NRXN2: variants seen among roughly 807,000 people sequenced by gnomAD.
NRXN2 encodes the protein neurexin 2.
In NRXN2, 29 loss-of-function variants were observed where a neutral mutation model predicts 128.8. That is an observed-to-expected ratio of 0.23 (90% CI 0.17 to 0.31). The LOEUF (loss-of-function observed/expected upper bound fraction) is 0.31, where lower values mean the gene tolerates loss of function less well. Among genes scored for constraint, NRXN2 ranks in the 10% least tolerant of loss-of-function variants. NRXN2 has a pLI of 1.00. For synonymous variants in NRXN2, 1,098 were observed against 1,075.2 expected (o/e 1.02, Z -0.41); for missense variants, 1,881 against 2,452.6 (o/e 0.77, Z 4.92).
At chr11:64,628,705 A>G (rs1298804811) in intron 19 of NRXN2, among the ~76,000 whole-genome samples, 1 of 152,246 alleles carries the variant, frequency 6.6e-6, no homozygotes, top group Admixed American at 6.5e-5. Flanking sequence ...AGGTTGCCCT[A>G]GTATGTGTGC....
At chr11:64,702,193 C>T (rs1474195030) in intron 2 of NRXN2, among the ~76,000 whole-genome samples, 1 of 151,030 alleles carries the variant, frequency 6.6e-6, no homozygotes. Flanking sequence ...GGTCAGCCCC[C>T]CGCCGGGCCA....
chr11:64,696,493 G>A (rs1418771576), intron 3 of NRXN2, among the ~76,000 whole-genome samples: 2 of 150,012 alleles, frequency 1.3e-5, no homozygotes, highest in African/African-American at 2.5e-5. Context: ...ATAAATGTAT[G>A]TGTATGCAGA....
chr11:64,660,480 G>C lies in NRXN2; in HGVS notation c.2241C>G (p.Asn747Lys). Residue 747 changes from asparagine to lysine, a missense_variant, in exon 11 of 23, where the codon AAC becomes AAG. By Grantham distance (94) the Asn-to-Lys change is moderately conservative. Transcript: ENST00000265459. This position sits in a 1 kb window ranked among gnomAD's most constrained non-coding sequence, Gnocchi z 5.2. Reference protein sequence around the residue: ...GSMYMKIMLPNAMHTEAEDVS... With the variant: ...GSMYMKIMLPKAMHTEAEDVS... ...CATCCTCTGCCTCCGTGTGCATGGC[G>C]TTAGGCAGCATGATCTTCATGTACA... 6.2e-7 allele frequency: 1 copy of C among 1,614,176 alleles called. No individual in the cohort carries two copies. The highest frequency in any genetic ancestry group is 8.5e-7 in the Non-Finnish European group (1 of 1,180,032).
In NRXN2 at chr11:64,711,203, C is replaced by A. The variant is rs182099490; in HGVS notation, c.730+1767G>T. On this transcript the variant is annotated intron_variant, in intron 2 of 22. Transcript: ENST00000265459. ...CACCTATCCCCAAAGCAGTGCCGGGCCACATTCATGTTGCCAGCGCACACG... is the reference window on the plus strand; with the variant it reads ...CACCTATCCCCAAAGCAGTGCCGGGACACATTCATGTTGCCAGCGCACACG... Among the ~76,000 whole-genome samples, 228 of 152,340 alleles carry A rather than the reference C, an allele frequency of 1.5e-3. 1 individual carries two copies. Among genetic ancestry groups the A allele is most frequent in the African/African-American group, 5.3e-3 (220 of 41,572 alleles).
intron 1 of NRXN2, among the ~76,000 whole-genome samples, chr11:64,717,785 A>G (rs1008933369): frequency 6.6e-6 from 1 of 152,192 alleles, no homozygotes; most frequent in Admixed American, 6.5e-5. Flanking sequence ...ACAGACCAGG[A>G]AGCTGAGCTT....
intron 17 of NRXN2, chr11:64,643,288 G>T (rs895526039): frequency 9.2e-6 from 9 of 978,470 alleles, no homozygotes; most frequent in Non-Finnish European, 1.1e-5. Context: ...GACCGACGGC[G>T]ACTGGGGCCG....
chr11:64,660,211 C>A lies in NRXN2; in HGVS notation c.2389+121G>T. On this transcript the variant is annotated intron_variant, in intron 11 of 22. Transcript: ENST00000265459. This position sits in a 1 kb window ranked among gnomAD's most constrained non-coding sequence, Gnocchi z 5.2. The stretch of plus-strand genomic sequence containing the variant: ...CTGACCCAGGCTGGCGCCTCCCCAC[C>A]TCCAAACTCTGCTGAGGGCACCTCT... 8.6e-7 allele frequency: 1 copy of A among 1,159,092 alleles called. No individual in the cohort carries two copies. The highest frequency in any genetic ancestry group is 1.3e-5 in the South Asian group (1 of 76,990). The allele number at this position is 1,159,092 out of a possible 1,614,324, so 71.8% of individuals were successfully genotyped here.
At position 64,642,660 on chromosome 11, in the gene NRXN2, G is replaced by A. The variant is rs549289478; in HGVS notation, c.3403+5559C>T. On this transcript the variant is annotated intron_variant, in intron 17 of 22. Coordinates refer to ENST00000265459, the MANE Select transcript of NRXN2 (RefSeq NM_015080.4). ...GGCTGGAGGAGACCCGGGCCCCCTCGGCCGCCCCCAGCAGCAACAGCAGCA... is the reference window on the plus strand; with the variant it reads ...GGCTGGAGGAGACCCGGGCCCCCTCAGCCGCCCCCAGCAGCAACAGCAGCA... The A allele has an allele frequency of 1.8e-5, 28 of 1,584,406 alleles. No individual in the cohort carries two copies. In the African/African-American group the frequency reaches 3.7e-4, roughly 21 times the overall value.
intron 12 of NRXN2, among the ~76,000 whole-genome samples, chr11:64,652,819 A>G (rs1295619555): frequency 6.6e-6 from 1 of 152,136 alleles, no homozygotes; most frequent in Non-Finnish European, 1.5e-5. Flanking sequence ...CTTAGGAACT[A>G]TGGCCATTTA....
chr11:64,664,076 T>C (rs1015668038), intron 9 of NRXN2, among the ~76,000 whole-genome samples: 6 of 151,996 alleles, frequency 3.9e-5, no homozygotes, highest in Non-Finnish European at 7.4e-5. Flanking sequence ...TGGGCCAGAG[T>C]TTCATTTTGG....
chr11:64,720,606 TGAGA>T (rs1338131813), intron 1 of NRXN2, among the ~76,000 whole-genome samples: 3 of 150,814 alleles, frequency 2.0e-5, no homozygotes, highest in African/African-American at 7.3e-5. Context: ...GATAAGTGAG[TGAGA>T]GAGAGAGAAA....
intron 6 of NRXN2, among the ~76,000 whole-genome samples, chr11:64,684,233 C>T (rs2052700640): frequency 6.6e-6 from 1 of 152,154 alleles, no homozygotes; most frequent in South Asian, 2.1e-4. Context: ...GAGCAGGAAG[C>T]ACTAGAGGCA....
At chr11:64,706,952 A>AC in intron 2 of NRXN2, among the ~76,000 whole-genome samples, 1 of 135,172 alleles carries the variant, frequency 7.4e-6, no homozygotes, top group South Asian at 2.4e-4. Flanking sequence ...GTGTATCCCC[A>AC]TTTTTTTTTT....
intron 15 of NRXN2, among the ~76,000 whole-genome samples, chr11:64,649,771 T>A (rs896712407): frequency 6.6e-6 from 1 of 152,146 alleles, no homozygotes; most frequent in Non-Finnish European, 1.5e-5. Flanking sequence ...GCTTTGGGCA[T>A]GTGCAAGAAA....
chr11:64,648,829 T>A lies in NRXN2; in HGVS notation c.3188A>T (p.Gln1063Leu). 1 of 1,614,178 alleles carries A rather than the reference T, an allele frequency of 6.2e-7. No individual in the cohort carries two copies. Among genetic ancestry groups the A allele is most frequent in the Non-Finnish European group, 8.5e-7 (1 of 1,180,012 alleles). ...GAGGTCCACTGAGGCCAGGCAGCCC[T>A]GAAAGCCATCCCGGGAGGCCACCAG... ...PKLVASRDGF[Q>L]GCLASVDLNG... The change falls in exon 16 of 23, where the codon CAG becomes CTG. Residue 1063 changes from glutamine to leucine, a missense_variant. By Grantham distance (113) the Gln-to-Leu change is moderately radical. Coordinates refer to ENST00000265459, the MANE Select transcript of NRXN2 (RefSeq NM_015080.4). This position sits in a 1 kb window ranked among gnomAD's most constrained non-coding sequence, Gnocchi z 4.1.
chr11:64,627,212 C>T (rs1209686), intron 19 of NRXN2, among the ~76,000 whole-genome samples: 148,208 of 151,288 alleles, frequency 0.98, 72,685 homozygotes, highest in Middle Eastern at 1. Context: ...AAGCCCCTCC[C>T]GTTCCCAACC....
In NRXN2 at chr11:64,651,698, T is replaced by TC; in HGVS notation, c.2537-63dup. On this transcript the variant is annotated intron_variant, in intron 13 of 22. Transcript: ENST00000265459. The surrounding 1 kb of genome is among the most constrained non-coding windows in gnomAD (Gnocchi z 5.9). ...TTTGGGGCAGGGCTGGGGCTTGGGTTCCCAGGAGCCTCCCCTCCACAGGAG... is the reference window on the plus strand; with the variant it reads ...TTTGGGGCAGGGCTGGGGCTTGGGTTCCCCAGGAGCCTCCCCTCCACAGGAG... 5 of 1,590,388 alleles carry TC rather than the reference T, an allele frequency of 3.1e-6. No individual in the cohort carries two copies. Among genetic ancestry groups the TC allele is most frequent in the Non-Finnish European group, 4.3e-6 (5 of 1,166,148 alleles).
intron 17 of NRXN2, among the ~76,000 whole-genome samples, chr11:64,645,534 A>G (rs1036320245): frequency 6.6e-6 from 1 of 152,096 alleles, no homozygotes; most frequent in Non-Finnish European, 1.5e-5. Flanking sequence ...CCCAAATCTC[A>G]GCCCTGGGAA....
chr11:64,719,830 A>G (rs1459105349), intron 1 of NRXN2, among the ~76,000 whole-genome samples: 2 of 152,170 alleles, frequency 1.3e-5, no homozygotes, highest in Non-Finnish European at 2.9e-5. Context: ...GGTGCCTGGG[A>G]ATGTTCCTAA....
Sources: gnomAD v4.1 joint callset for allele counts (sites outside exome capture counted in the v4.1 genomes callset) on GRCh38, gnomAD v4.1.1 for gene constraint, Gnocchi (gnomAD v3.1) non-coding constraint, MANE v1.5 for transcripts, NCBI Gene and HGNC (gene_info 2026-07-23, HGNC 2026-07-21) for gene names.